The following COLEC11 variants were observed in gnomAD, a reference collection of about 807,000 sequenced individuals.
COLEC11 encodes collectin-11.
In COLEC11, 20 loss-of-function variants were observed where a neutral mutation model predicts 27.3. The observed-to-expected ratio is 0.73, with a 90% CI of 0.51 to 1.06. COLEC11 has a LOEUF of 1.06. Among genes scored for constraint, COLEC11 ranks in the 50% least tolerant of loss-of-function variants. COLEC11 has a pLI of 0.00. For missense variants in COLEC11, 310 were observed against 383.0 expected (o/e 0.81, Z 1.59); for synonymous variants, 163 against 154.7 (o/e 1.05, Z -0.40).
rs376794364 is a variant in COLEC11, at chr2:3,613,292, G to T, written c.131-19G>T. 4.5e-5 allele frequency: 73 copies of T among 1,605,686 alleles called. 1 individual carries two copies. In the African/African-American group the frequency reaches 9.2e-4, roughly 20 times the overall value. On this transcript the variant is annotated intron_variant, in intron 2 of 6. Coordinates refer to ENST00000349077, the MANE Select transcript of COLEC11 (RefSeq NM_024027.5). ...TGCTGGCCAGACGAGCTGCTAAATG[G>T]ATGTGACTTCTTCCACAGGGGATGC...
intron 2 of COLEC11, among the ~76,000 whole-genome samples, chr2:3,607,336 A>G (rs1052063565): frequency 1.4e-4 from 21 of 152,108 alleles, no homozygotes; most frequent in African/African-American, 4.8e-4. Context: ...TTTAATGGTT[A>G]AAAAAATGGC....
intron 1 of COLEC11, among the ~76,000 whole-genome samples, chr2:3,599,452 C>T (rs917282854): frequency 2.5e-4 from 38 of 152,202 alleles, no homozygotes; most frequent in Non-Finnish European, 5.4e-4. Context: ...TAGCCCTTTC[C>T]CTGGACTGGG....
At chr2:3,615,393 C>T (rs1043652669) in intron 3 of COLEC11, among the ~76,000 whole-genome samples, 8 of 152,280 alleles carry the variant, frequency 5.3e-5, no homozygotes, top group South Asian at 2.1e-4. Flanking sequence ...CATCTTGCAC[C>T]GCCCTTAATC....
At chr2:3,627,848 C>CA (rs1664676208) in intron 3 of COLEC11, among the ~76,000 whole-genome samples, 1 of 152,190 alleles carries the variant, frequency 6.6e-6, no homozygotes, top group South Asian at 2.1e-4. Context: ...GGCGTGATGA[C>CA]AAAGTGGGTC....
chr2:3,601,165 G>A (rs746363737), intron 1 of COLEC11, among the ~76,000 whole-genome samples: 34 of 152,214 alleles, frequency 2.2e-4, no homozygotes, highest in Admixed American at 3.3e-4. Context: ...AGGGGGCCTC[G>A]GCGTGGTGGC....
Position 3,602,925 on chromosome 2 carries a change from C to CTCTG in COLEC11, c.-26-1370_-26-1367dup, listed in dbSNP as rs747417729. ...GGCGCTTACCCCTGCCTCTGTCTGT[C>CTCTG]TCTGTCTGTCTGTCTGTCTGTCTCT... On this transcript the variant is annotated intron_variant, in intron 1 of 6. Transcript: ENST00000349077. The surrounding 1 kb of genome is among the most constrained non-coding windows in gnomAD (Gnocchi z 6.2). 7.2e-4 allele frequency among the ~76,000 whole-genome samples: 109 copies of CTCTG among 152,250 alleles called. No individual in the cohort carries two copies. The highest frequency in any genetic ancestry group is 6.8e-3 in the Middle Eastern group (2 of 294).
intron 3 of COLEC11, among the ~76,000 whole-genome samples, chr2:3,630,978 A>G (rs771706127): frequency 6.6e-6 from 1 of 152,180 alleles, no homozygotes; most frequent in Non-Finnish European, 1.5e-5. Flanking sequence ...AATACAATAC[A>G]GGCCCATAAT....
At chr2:3,628,565 G>T (rs990917013) in intron 3 of COLEC11, among the ~76,000 whole-genome samples, 1 of 152,222 alleles carries the variant, frequency 6.6e-6, no homozygotes, top group Admixed American at 6.5e-5. Context: ...TGAACAGGCT[G>T]GCTGGGTGTG....
chr2:3,601,521 T>C (rs1417742545), intron 1 of COLEC11, among the ~76,000 whole-genome samples: 2 of 152,204 alleles, frequency 1.3e-5, no homozygotes, highest in Non-Finnish European at 2.9e-5. Flanking sequence ...CTCAAACTCC[T>C]GGACTCAAGC....
At chr2:3,621,024 TTC>T (rs1160481505) in intron 3 of COLEC11, among the ~76,000 whole-genome samples, 3 of 152,218 alleles carry the variant, frequency 2.0e-5, no homozygotes, top group Non-Finnish European at 2.9e-5. Context: ...GGATGGAATG[TTC>T]TCTGTTAGCT....
intron 5 of COLEC11, among the ~76,000 whole-genome samples, chr2:3,641,954 C>G (rs1665899388): frequency 6.6e-6 from 1 of 152,214 alleles, no homozygotes; most frequent in African/African-American, 2.4e-5. Context: ...CAGGCAGAGG[C>G]TGCTGGGCCA....
intron 2 of COLEC11, among the ~76,000 whole-genome samples, chr2:3,611,629 G>A (rs1663204362): frequency 6.6e-6 from 1 of 152,254 alleles, no homozygotes; most frequent in Non-Finnish European, 1.5e-5. Context: ...CAGCATGTGG[G>A]TGTTGATCGT....
intron 2 of COLEC11, among the ~76,000 whole-genome samples, chr2:3,611,475 C>T (rs1283878451): frequency 6.6e-6 from 1 of 152,130 alleles, no homozygotes; most frequent in African/African-American, 2.4e-5. Flanking sequence ...TTCTTCTGCA[C>T]GATGCTGGTG....
At chr2:3,608,405 C>G (rs1572400140) in intron 2 of COLEC11, among the ~76,000 whole-genome samples, 1 of 152,046 alleles carries the variant, frequency 6.6e-6, no homozygotes, top group Non-Finnish European at 1.5e-5. Context: ...CTCGCTGGGT[C>G]TACATTACAA....
intron 1 of COLEC11, among the ~76,000 whole-genome samples, chr2:3,598,886 T>G (rs1662039806): frequency 6.6e-6 from 1 of 152,214 alleles, no homozygotes; most frequent in Non-Finnish European, 1.5e-5. Context: ...GGTACAAGGT[T>G]GTTTTGGGAA....
At chr2:3,617,862 T>G (rs945495215) in intron 3 of COLEC11, 4 of 573,664 alleles carry the variant, frequency 7.0e-6, no homozygotes, top group Non-Finnish European at 1.3e-5. Flanking sequence ...TTAATCTCTT[T>G]TGACTTTTTG....
chr2:3,617,681 A>C (rs574831540), intron 3 of COLEC11: 3 of 1,611,618 alleles, frequency 1.9e-6, no homozygotes, highest in Non-Finnish European at 2.5e-6. Context: ...TTTGTCAGAC[A>C]TGGTTGTGGA....
intron 2 of COLEC11, among the ~76,000 whole-genome samples, chr2:3,607,298 A>T (rs1436023805): frequency 1.3e-5 from 2 of 151,888 alleles, no homozygotes; most frequent in Non-Finnish European, 2.9e-5. Flanking sequence ...GAGAATGACA[A>T]CTCCTTTTAA....
At chr2:3,622,388 C>G (rs530161955) in intron 3 of COLEC11, among the ~76,000 whole-genome samples, 1 of 152,200 alleles carries the variant, frequency 6.6e-6, no homozygotes, top group Admixed American at 6.5e-5. Context: ...ATATCTTTGT[C>G]TTTTAACCTT....
Sources: allele counts gnomAD v4.1 joint callset (sites outside exome capture counted in the v4.1 genomes callset), GRCh38; gene constraint gnomAD v4.1.1; non-coding constraint Gnocchi (gnomAD v3.1); transcripts MANE v1.5; gene names NCBI Gene and HGNC (gene_info 2026-07-23, HGNC 2026-07-21).